The following SUCLG2 variants were observed in gnomAD, a reference collection of about 807,000 sequenced individuals.
The protein encoded by SUCLG2 is succinate--CoA ligase [GDP-forming] subunit beta, mitochondrial.
A neutral mutation model predicts 47.9 loss-of-function variants in SUCLG2; 42 were observed. That is an observed-to-expected ratio of 0.88 (90% CI 0.69 to 1.14). The LOEUF is 1.14. Among genes scored for constraint, SUCLG2 ranks in the 50% most tolerant of loss-of-function variants. The probability of loss-of-function intolerance (pLI) is 0.00; values close to 1 mark genes in which losing one functional copy is unlikely to be tolerated. For missense variants in SUCLG2, 571 were observed against 525.9 expected (o/e 1.09, Z -0.84); for synonymous variants, 195 against 197.3 (o/e 0.99, Z 0.10).
At chr3:67,596,693 G>A (rs1199045810) in intron 2 of SUCLG2, among the ~76,000 whole-genome samples, 2 of 152,128 alleles carry the variant, frequency 1.3e-5, no homozygotes, top group African/African-American at 4.8e-5. Context: ...GATTATTTCA[G>A]GTACTCAATA....
intron 2 of SUCLG2, among the ~76,000 whole-genome samples, chr3:67,537,368 CT>C (rs1281194420): frequency 6.6e-6 from 1 of 152,152 alleles, no homozygotes; most frequent in African/African-American, 2.4e-5. Flanking sequence ...TTGTTTCCAG[CT>C]TCATCCATGT....
chr3:67,553,226 C>T (rs959421178), intron 2 of SUCLG2, among the ~76,000 whole-genome samples: 4 of 152,208 alleles, frequency 2.6e-5, no homozygotes, highest in Non-Finnish European at 4.4e-5. Flanking sequence ...ATGTGGCATC[C>T]AGCCCCTGTG....
chr3:67,406,355 A>G (rs550870106), intron 9 of SUCLG2, among the ~76,000 whole-genome samples: 2 of 152,310 alleles, frequency 1.3e-5, no homozygotes, highest in African/African-American at 4.8e-5. Context: ...ATTAGACAAA[A>G]AGGTTCTATA....
intron 7 of SUCLG2, among the ~76,000 whole-genome samples, chr3:67,502,240 G>A (rs563882364): frequency 2.0e-5 from 3 of 152,322 alleles, no homozygotes; most frequent in Non-Finnish European, 2.9e-5. Flanking sequence ...TCCAAGAAGT[G>A]TTCTTCTGTG....
In SUCLG2 at chr3:67,649,704, C is replaced by T. The variant is rs555233253; in HGVS notation, c.84+4799G>A. 3.3e-5 allele frequency among the ~76,000 whole-genome samples: 5 copies of T among 152,330 alleles called. No homozygotes were observed. In the East Asian group the frequency reaches 7.7e-4, roughly 23 times the overall value. On this transcript the variant is annotated intron_variant, in intron 1 of 10. Coordinates refer to ENST00000307227, the MANE Select transcript of SUCLG2 (RefSeq NM_003848.4). ...TTAATCTCCAAATTTCATTAGTGTA[C>T]TGATATTATCATTTGTTCAAATATT...
intron 1 of SUCLG2, among the ~76,000 whole-genome samples, chr3:67,610,163 C>G (rs201326445): frequency 1.3e-5 from 2 of 152,180 alleles, no homozygotes; most frequent in East Asian, 3.8e-4. Flanking sequence ...TCTGAAGTCA[C>G]TGGGCCACAG....
At chr3:67,395,014 T>A (rs1411759627) in intron 10 of SUCLG2, among the ~76,000 whole-genome samples, 1 of 152,034 alleles carries the variant, frequency 6.6e-6, no homozygotes, top group Non-Finnish European at 1.5e-5. Context: ...AAAGATCTCC[T>A]GAAGGAAGCA....
intron 9 of SUCLG2, among the ~76,000 whole-genome samples, chr3:67,404,277 G>A (rs1353170588): frequency 6.6e-6 from 1 of 152,142 alleles, no homozygotes; most frequent in Non-Finnish European, 1.5e-5. Context: ...GAAGGACAGA[G>A]AGGAGAGTGA....
chr3:67,539,766 G>A (rs571324603), intron 2 of SUCLG2, among the ~76,000 whole-genome samples: 2 of 152,184 alleles, frequency 1.3e-5, no homozygotes, highest in African/African-American at 4.8e-5. Context: ...AGGGATTCAA[G>A]TTCTTCCTGG....
intron 9 of SUCLG2, among the ~76,000 whole-genome samples, chr3:67,403,987 G>C (rs1331607530): frequency 6.6e-6 from 1 of 152,200 alleles, no homozygotes; most frequent in African/African-American, 2.4e-5. Flanking sequence ...CTGGGTTCAA[G>C]TGGTTCTCAT....
intron 2 of SUCLG2, among the ~76,000 whole-genome samples, chr3:67,599,380 C>A (rs1444297718): frequency 2.6e-5 from 4 of 152,158 alleles, no homozygotes; most frequent in African/African-American, 9.7e-5. Flanking sequence ...ATTGTGACTG[C>A]GTCATGCACA....
chr3:67,613,153 C>T (rs141127383), intron 1 of SUCLG2, among the ~76,000 whole-genome samples: 120 of 152,266 alleles, frequency 7.9e-4, no homozygotes, highest in African/African-American at 2.7e-3. Context: ...TAGCCATTGG[C>T]GATTAACTCA....
chr3:67,455,186 T>A (rs1704154876), intron 9 of SUCLG2, among the ~76,000 whole-genome samples: 1 of 152,202 alleles, frequency 6.6e-6, no homozygotes, highest in South Asian at 2.1e-4. Flanking sequence ...ATATATATTT[T>A]AGTCCATTTG....
At chr3:67,570,837 A>G (rs1707588575) in intron 2 of SUCLG2, among the ~76,000 whole-genome samples, 1 of 152,172 alleles carries the variant, frequency 6.6e-6, no homozygotes, top group African/African-American at 2.4e-5. Context: ...ATCTGATTTC[A>G]TATCTTTTCC....
chr3:67,541,311 A>T (rs989496762), intron 2 of SUCLG2, among the ~76,000 whole-genome samples: 1 of 152,188 alleles, frequency 6.6e-6, no homozygotes, highest in Admixed American at 6.5e-5. Context: ...GAACCTTGAG[A>T]AAAGGTTAGA....
At position 67,448,470 on chromosome 3, in the gene SUCLG2, C is replaced by G. The variant is rs138469596; in HGVS notation, c.1062+47328G>C. On this transcript the variant is annotated intron_variant, in intron 9 of 10. Coordinates refer to ENST00000307227, the MANE Select transcript of SUCLG2 (RefSeq NM_003848.4). ...GTGCAATCTCAGCTCACTGCAACCT[C>G]TGCTCCCGGGTTCAAGTGATTCTCA... is the stretch of plus-strand genomic sequence containing the variant. Among the ~76,000 whole-genome samples, 715 of 152,286 alleles carry G rather than the reference C, an allele frequency of 4.7e-3. 5 individuals carry two copies. The highest frequency in any genetic ancestry group is 0.016 in the African/African-American group (664 of 41,560).
At chr3:67,576,778 C>T (rs537318678) in intron 2 of SUCLG2, among the ~76,000 whole-genome samples, 5 of 152,128 alleles carry the variant, frequency 3.3e-5, no homozygotes, top group East Asian at 1.9e-4. Flanking sequence ...GGGTTGGAGG[C>T]GAAAAGCATG....
chr3:67,416,954 C>A (rs1239173520), intron 9 of SUCLG2, among the ~76,000 whole-genome samples: 1 of 151,982 alleles, frequency 6.6e-6, no homozygotes, highest in Admixed American at 6.5e-5. Context: ...ATAACCAATT[C>A]CTGTGGAAAA....
At chr3:67,558,828 C>A (rs547191353) in intron 2 of SUCLG2, among the ~76,000 whole-genome samples, 96 of 152,210 alleles carry the variant, frequency 6.3e-4, no homozygotes, top group African/African-American at 2.2e-3. Flanking sequence ...GGTTTGTTAA[C>A]CAGATCAATG....
Sources: allele counts gnomAD v4.1 joint callset (sites outside exome capture counted in the v4.1 genomes callset), GRCh38; gene constraint gnomAD v4.1.1; transcripts MANE v1.5; gene names NCBI Gene and HGNC (gene_info 2026-07-23, HGNC 2026-07-21).